SZT2: variants seen among roughly 807,000 people sequenced by gnomAD.
The protein encoded by SZT2 is KICSTOR complex protein SZT2.
SZT2 carries 216 observed loss-of-function variants against 404.2 expected under a neutral mutation model. The ratio of observed to expected loss-of-function variants is 0.53; its 90% confidence interval spans 0.48 to 0.60. The LOEUF (loss-of-function observed/expected upper bound fraction) is 0.60, where lower values mean the gene tolerates loss of function less well. SZT2 is among the 20% of genes least tolerant of loss of function. The probability of loss-of-function intolerance (pLI) is 0.00; values close to 1 mark genes in which losing one functional copy is unlikely to be tolerated. For synonymous variants in SZT2, 1,693 were observed against 1,749.9 expected, an observed-to-expected ratio of 0.97 and a Z score of 0.81; for missense variants, 3,857 against 4,459.2, an observed-to-expected ratio of 0.86 and a Z score of 3.85.
At chr1:43,434,542 T>C in intron 41 of SZT2, 57 bp downstream of exon 41, 1 of 1,427,496 alleles carries the variant, frequency 7.0e-7, no homozygotes, top group Non-Finnish European at 9.6e-7. Context: ...ACCAAATTTC[T>C]AAGAACTTGA....
rs773484115 is a variant in SZT2, at chr1:43,419,851, C to G, written c.997C>G (p.Pro333Ala). ...SYLSTCPEPE[P>A]GNLGLTVYHR... ...CCTGTCCACTTGTCCTGAGCCGGAG[C>G]CAGGCAACCTGGGTCTGACTGTCTA... The change falls in exon 8 of 72, where the codon CCA becomes GCA. Residue 333 changes from proline to alanine, a missense_variant. Pro to Ala is a conservative substitution (Grantham distance 27). Around this residue, in one of 7 missense-constraint regions of SZT2, gnomAD observed 536 missense variants for 637.4 expected, o/e 0.84. Transcript: ENST00000634258. The G allele has an allele frequency of 4.4e-6, 7 of 1,598,460 alleles. No individual in the cohort carries two copies. The highest frequency in any genetic ancestry group is 4.2e-6 in the Non-Finnish European group (5 of 1,179,804).
Position 43,437,698 on chromosome 1 carries a change from T to G in SZT2, c.6394T>G (p.Ser2132Ala). 1 of 1,614,078 alleles carries G rather than the reference T, an allele frequency of 6.2e-7. No homozygotes were observed. The highest frequency in any genetic ancestry group is 8.5e-7 in the Non-Finnish European group (1 of 1,180,002). ...SQEPIYSEEA[S>A]GPRSPLDMVS... The stretch of plus-strand genomic sequence containing the variant: ...AGAGCCCATCTACTCTGAGGAAGCC[T>G]CGGCATGTATCACTCCCACTCTCTG... The change falls in exon 45 of 72, where the codon TCG (serine) becomes GCG (alanine). Residue 2132 changes from serine (S) to alanine (A), a missense_variant and splice_region_variant. Physicochemically the swap from Ser to Ala is moderately conservative, Grantham distance 99 (BLOSUM62 1). Transcript: ENST00000634258. This position sits in a 1 kb window ranked among gnomAD's most constrained non-coding sequence, Gnocchi z 5.3.
rs1329244632 is a variant in SZT2, at chr1:43,435,140, C to T, written c.5905-60C>T. Reference sequence around the variant, plus strand: ...TCTCTGGCATTTGATCACCCCTGACCACCACCACCCACTTAGGAGGAGGTA... The same window carrying T: ...TCTCTGGCATTTGATCACCCCTGACTACCACCACCCACTTAGGAGGAGGTA... On this transcript the variant is annotated intron_variant, in intron 41 of 71. Coordinates refer to ENST00000634258, the MANE Select transcript of SZT2 (RefSeq NM_001365999.1). The T allele has an allele frequency of 5.7e-6, 9 of 1,587,088 alleles. No individual in the cohort carries two copies. The East Asian group carries it at 9.0e-5, about 16-fold the overall frequency.
intron 65 of SZT2, 138 bp downstream of exon 65, chr1:43,446,554 C>T: frequency 9.8e-7 from 1 of 1,022,290 alleles, no homozygotes; most frequent in Non-Finnish European, 1.5e-6. Flanking sequence ...TATGGCCTGG[C>T]TAGGTCAGTG....
chr1:43,413,272 A>C (rs1433144157), intron 4 of SZT2, among the ~76,000 whole-genome samples: 1 of 152,142 alleles, frequency 6.6e-6, no homozygotes, highest in Non-Finnish European at 1.5e-5. Flanking sequence ...AATCCCAGCT[A>C]CTCGGGAGCC....
chr1:43,414,237 AC>A (rs1322138825), intron 4 of SZT2, among the ~76,000 whole-genome samples: 17 of 152,106 alleles, frequency 1.1e-4, no homozygotes, highest in African/African-American at 3.9e-4. Context: ...CCAAGATCGC[AC>A]CTGCACTCTA....
Position 43,454,048 on chromosome 1 carries a change from G to A in SZT2, c.*3568G>A. On this transcript the variant is annotated 3_prime_UTR_variant, in exon 72 of 72. Transcript: ENST00000634258. ...GGAAAAGGAGCAGGACCCGCGCCTGGAGAAGGTAGGGAGGCCGAGCTCCAG... is the reference window on the plus strand; with the variant it reads ...GGAAAAGGAGCAGGACCCGCGCCTGAAGAAGGTAGGGAGGCCGAGCTCCAG... The A allele has an allele frequency of 1.7e-6, 2 of 1,146,160 alleles. No individual in the cohort carries two copies. The highest frequency in any genetic ancestry group is 8.8e-5 in the South Asian group (2 of 22,812). The allele number at this position is 1,146,160 out of a possible 1,614,324, so 71.0% of individuals were successfully genotyped here. A position where few individuals can be genotyped will look rare whatever the true frequency, so the allele number is the denominator to read the frequency against.
Position 43,432,311 on chromosome 1 carries a change from G to A in SZT2, c.5314G>A (p.Glu1772Lys), listed in dbSNP as rs2153934148. Residue 1772 changes from glutamate to lysine, a missense_variant, in exon 37 of 72, where the codon GAA becomes AAA. Glu to Lys is a moderately conservative substitution (Grantham distance 56). Coordinates refer to ENST00000634258, the MANE Select transcript of SZT2 (RefSeq NM_001365999.1). ...CCATCTCCCTGGCCATGTTCTTCTT[G>A]AAGACCCTGACAGTGGCTTCTTCTT... is the stretch of plus-strand genomic sequence containing the variant. ...RLHLPGHVLL[E>K]DPDSGFFFVA... The A allele has an allele frequency of 6.3e-7, 1 of 1,590,492 alleles. No homozygotes were observed. The highest frequency in any genetic ancestry group is 8.5e-7 in the Non-Finnish European group (1 of 1,170,338).
intron 5 of SZT2, among the ~76,000 whole-genome samples, chr1:43,415,757 TC>T (rs1460329678): frequency 2.0e-5 from 3 of 152,220 alleles, no homozygotes; most frequent in African/African-American, 7.2e-5. Context: ...GATGCCGAAC[TC>T]CCTTCACCTC....
At chr1:43,440,983 C>T (rs1020168392) in intron 52 of SZT2, among the ~76,000 whole-genome samples, 2 of 152,226 alleles carry the variant, frequency 1.3e-5, no homozygotes, top group East Asian at 3.8e-4. Flanking sequence ...TTCCATTTTT[C>T]TTGTCGGATC....
intron 7 of SZT2, among the ~76,000 whole-genome samples, chr1:43,419,184 G>T (rs1652047093): frequency 6.6e-6 from 1 of 152,230 alleles, no homozygotes; most frequent in South Asian, 2.1e-4. Flanking sequence ...AATGTGTGTG[G>T]CTGTGTTCCA....
At chr1:43,405,283 A>G (rs1650170133) in intron 4 of SZT2, 1 of 152,216 alleles carries the variant, frequency 6.6e-6, no homozygotes, top group Non-Finnish European at 1.5e-5. Flanking sequence ...AAGTGCTAGG[A>G]TTACAGGCGT....
Position 43,422,070 on chromosome 1 carries a change from T to G in SZT2, c.1627-13T>G. ...TGCAAATGCTCCTATAGTGCTGTCC[T>G]TCCTGTCCTCAGGTGCTCTCCCTCC... is the stretch of plus-strand genomic sequence containing the variant. On this transcript the variant is annotated splice_polypyrimidine_tract_variant and intron_variant, in intron 11 of 71. Transcript: ENST00000634258. 1 of 1,591,640 alleles carries G rather than the reference T, an allele frequency of 6.3e-7. No individual in the cohort carries two copies. The highest frequency in any genetic ancestry group is 1.1e-5 in the South Asian group (1 of 90,620).
intron 1 of SZT2, among the ~76,000 whole-genome samples, chr1:43,394,901 A>C (rs1648815033): frequency 6.6e-6 from 1 of 152,172 alleles, no homozygotes; most frequent in African/African-American, 2.4e-5. Context: ...AAAGAAAAGA[A>C]AAAGAAAATA....
chr1:43,423,093 C>T lies in SZT2; in HGVS notation c.2038-6C>T, dbSNP rs1333990895. Reference sequence around the variant, plus strand: ...GTAAGAGGATGTGACCACATTTTCCCCTCAGATTGTGTCAGGCTTGAGGGA... The same window carrying T: ...GTAAGAGGATGTGACCACATTTTCCTCTCAGATTGTGTCAGGCTTGAGGGA... On this transcript the variant is annotated splice_polypyrimidine_tract_variant and splice_region_variant and intron_variant, in intron 14 of 71. Transcript: ENST00000634258. The T allele has an allele frequency of 4.4e-6, 7 of 1,581,342 alleles. No individual in the cohort carries two copies. The African/African-American group carries it at 8.1e-5, about 18-fold the overall frequency.
intron 7 of SZT2, among the ~76,000 whole-genome samples, chr1:43,417,680 A>G (rs1041754578): frequency 6.6e-6 from 1 of 152,224 alleles, no homozygotes; most frequent in Non-Finnish European, 1.5e-5. Flanking sequence ...AGTATGTAGC[A>G]TTGTACGTAA....
rs768926371 is a variant in SZT2 at position 43,448,048 on chromosome 1, C to G, written c.9564-31C>G. 1.2e-6 allele frequency: 2 copies of G among 1,606,766 alleles called. No individual in the cohort carries two copies. The highest frequency in any genetic ancestry group is 1.7e-6 in the Non-Finnish European group (2 of 1,175,134). ...TGCCCTGTGTGTCTCTTGCTACAAC[C>G]ACCACTCTCCTGCCCTGCTCCCCAC... On this transcript the variant is annotated intron_variant, in intron 68 of 71. Transcript: ENST00000634258. This position sits in a 1 kb window ranked among gnomAD's most constrained non-coding sequence, Gnocchi z 4.2.
rs760598523 is a variant in SZT2, at chr1:43,450,306, C to G, written c.10156-31C>G. On this transcript the variant is annotated intron_variant, in intron 71 of 71. Transcript: ENST00000634258. The surrounding 1 kb of genome is among the most constrained non-coding windows in gnomAD (Gnocchi z 4.3). ...CCTATCCCCACCCATGCCCTCCTCTCACCAGTGCATCCCCACCGTGTTCCC... is the reference window on the plus strand; with the variant it reads ...CCTATCCCCACCCATGCCCTCCTCTGACCAGTGCATCCCCACCGTGTTCCC... 1 of 1,613,758 alleles carries G rather than the reference C, an allele frequency of 6.2e-7. No homozygotes were observed. Among genetic ancestry groups the G allele is most frequent in the Non-Finnish European group, 8.5e-7 (1 of 1,179,838 alleles).
At position 43,437,192 on chromosome 1, in the gene SZT2, G is replaced by A. The variant is rs1437042764; in HGVS notation, c.6056G>A (p.Cys2019Tyr). The stretch of plus-strand genomic sequence containing the variant: ...CCAGATTATGCTGCTGATGAGAGCT[G>A]TGCGCCCCGTGGGTACCTGGCAGCC... ...PSDDYAADESCAPRGYLAATM... is the reference protein window; with the variant it reads ...PSDDYAADESYAPRGYLAATM... The change falls in exon 43 of 72, where the codon TGT becomes TAT. Residue 2019 changes from cysteine to tyrosine, a missense_variant. Transcript: ENST00000634258. This position sits in a 1 kb window ranked among gnomAD's most constrained non-coding sequence, Gnocchi z 5.3. 6.2e-7 allele frequency: 1 copy of A among 1,614,084 alleles called. No homozygotes were observed. Among genetic ancestry groups the A allele is most frequent in the Non-Finnish European group, 8.5e-7 (1 of 1,180,052 alleles).
Sources: allele counts gnomAD v4.1 joint callset (sites outside exome capture counted in the v4.1 genomes callset), GRCh38; gene constraint gnomAD v4.1.1; regional missense constraint gnomAD v4.1.1; non-coding constraint Gnocchi (gnomAD v3.1); transcripts MANE v1.5; gene names NCBI Gene and HGNC (gene_info 2026-07-23, HGNC 2026-07-21).